The following BTBD9 variants were observed in gnomAD, a reference collection of about 807,000 sequenced individuals.
BTBD9 encodes BTB/POZ domain-containing protein 9.
Under a neutral mutation model 64.3 loss-of-function variants are expected in BTBD9, and 49 were observed. The observed-to-expected ratio is 0.76, with a 90% CI of 0.61 to 0.97. BTBD9 has a LOEUF of 0.97. Ranked by LOEUF, BTBD9 falls within the 50% of genes least tolerant of loss-of-function variation. The pLI is 0.00. For missense variants in BTBD9, 598 were observed against 762.1 expected (o/e 0.78, Z 2.53); for synonymous variants, 260 against 274.7 (o/e 0.95, Z 0.53).
Position 38,380,273 on chromosome 6 carries a change from G to C in BTBD9, c.1155-35180C>G, listed in dbSNP as rs535753250. Among the ~76,000 whole-genome samples the C allele has an allele frequency of 2.0e-5, 3 of 152,200 alleles. No individual in the cohort carries two copies. The South Asian group carries it at 6.2e-4, about 32-fold the overall frequency. ...AAAATAAAAGAATTCATCATCAACAGATTCTTACTAAAGGAAATTCTGAAA... is the reference window on the plus strand; with the variant it reads ...AAAATAAAAGAATTCATCATCAACACATTCTTACTAAAGGAAATTCTGAAA... On this transcript the variant is annotated intron_variant, in intron 6 of 10. Coordinates refer to ENST00000481247, the MANE Select transcript of BTBD9 (RefSeq NM_001099272.2).
intron 6 of BTBD9, among the ~76,000 whole-genome samples, chr6:38,381,622 C>T (rs1765937190): frequency 6.6e-6 from 1 of 152,008 alleles, no homozygotes; most frequent in East Asian, 1.9e-4. Flanking sequence ...ATAATGTTCT[C>T]AATAACTGAA....
At position 38,594,157 on chromosome 6, in the gene BTBD9, T is replaced by G. The variant is rs761218065; in HGVS notation, c.356A>C (p.Lys119Thr). 6.2e-7 allele frequency: 1 copy of G among 1,614,190 alleles called. No homozygotes were observed. Among genetic ancestry groups the G allele is most frequent in the Non-Finnish European group, 8.5e-7 (1 of 1,180,024 alleles). The change falls in exon 3 of 11, where the codon AAA (lysine) becomes ACA (threonine). Residue 119 changes from lysine to threonine, a missense_variant. Coordinates refer to ENST00000481247, the MANE Select transcript of BTBD9 (RefSeq NM_001099272.2). Reference protein sequence around the residue: ...VLLDFLSLAHKYGFPELEDST... With the variant: ...VLLDFLSLAHTYGFPELEDST... ...ATCCTCTAGCTCTGGAAATCCATATTTATGAGCCAGGCTCAAAAAGTCCAG... is the reference window on the plus strand; with the variant it reads ...ATCCTCTAGCTCTGGAAATCCATATGTATGAGCCAGGCTCAAAAAGTCCAG...
chr6:38,207,255 C>T (rs1762686842), intron 9 of BTBD9: 3 of 222,180 alleles, frequency 1.4e-5, no homozygotes, highest in Non-Finnish European at 2.9e-5. Flanking sequence ...ACAGAAAAAT[C>T]TGTGTTAAAA....
chr6:38,624,481 G>A (rs1778106277), intron 1 of BTBD9, among the ~76,000 whole-genome samples: 1 of 152,092 alleles, frequency 6.6e-6, no homozygotes, highest in Admixed American at 6.6e-5. Flanking sequence ...ACCAACTCTG[G>A]ACACAGGAGG....
At chr6:38,596,880 A>G (rs145161071) in intron 2 of BTBD9, among the ~76,000 whole-genome samples, 131 of 152,304 alleles carry the variant, frequency 8.6e-4, no homozygotes, top group African/African-American at 3.1e-3. Context: ...AGAGGAAGAA[A>G]TATAAAAGGA....
rs367618795 is a variant in BTBD9, at chr6:38,457,354, C to T, written c.1155-112261G>A. Among the ~76,000 whole-genome samples the T allele has an allele frequency of 3.3e-5, 5 of 152,292 alleles. No individual in the cohort carries two copies. In the East Asian group the frequency reaches 5.8e-4, roughly 18 times the overall value. The stretch of plus-strand genomic sequence containing the variant: ...AGACCAGTTAGAAGGCTCCCACAGT[C>T]TGGGCAAGAAATGGTGTTGGTGTCA... On this transcript the variant is annotated intron_variant, in intron 6 of 10. Coordinates refer to ENST00000481247, the MANE Select transcript of BTBD9 (RefSeq NM_001099272.2).
chr6:38,446,110 A>C (rs2127324576), intron 6 of BTBD9, among the ~76,000 whole-genome samples: 1 of 152,316 alleles, frequency 6.6e-6, no homozygotes, highest in South Asian at 2.1e-4. Context: ...AAGACACGTG[A>C]GTAGTGAGGG....
At chr6:38,596,446 G>T (rs1777032694) in intron 2 of BTBD9, among the ~76,000 whole-genome samples, 1 of 152,062 alleles carries the variant, frequency 6.6e-6, no homozygotes, top group South Asian at 2.1e-4. Flanking sequence ...TTTTGAAAGA[G>T]GACAAGGTAC....
At chr6:38,202,117 G>A (rs534589303) in intron 9 of BTBD9, among the ~76,000 whole-genome samples, 4 of 129,494 alleles carry the variant, frequency 3.1e-5, no homozygotes, top group South Asian at 5.1e-4. Context: ...ATGGAATCTC[G>A]CTCTGTTGCC....
intron 7 of BTBD9, among the ~76,000 whole-genome samples, chr6:38,303,949 GTGTA>G (rs1164489896): frequency 0.03 from 4,135 of 139,104 alleles, 207 homozygotes; most frequent in African/African-American, 0.11. Flanking sequence ...GTGTGTGTGT[GTGTA>G]TATATATATA....
intron 9 of BTBD9, among the ~76,000 whole-genome samples, chr6:38,216,543 T>C: frequency 6.6e-6 from 1 of 152,202 alleles, no homozygotes; most frequent in East Asian, 1.9e-4. Context: ...TTTCTGCATG[T>C]ATAATGGCAG....
chr6:38,439,952 T>A (rs1768948168), intron 6 of BTBD9, among the ~76,000 whole-genome samples: 1 of 152,156 alleles, frequency 6.6e-6, no homozygotes, highest in African/African-American at 2.4e-5. Flanking sequence ...ACATTGGAAT[T>A]ACTATCTAGT....
At chr6:38,619,177 G>A (rs576253806) in intron 1 of BTBD9, among the ~76,000 whole-genome samples, 1 of 152,266 alleles carries the variant, frequency 6.6e-6, no homozygotes, top group African/African-American at 2.4e-5. Context: ...GATCCTAAAA[G>A]ATAAGTTTAT....
chr6:38,515,084 G>GA (rs1034633758), intron 6 of BTBD9, among the ~76,000 whole-genome samples: 76 of 146,778 alleles, frequency 5.2e-4, no homozygotes, highest in Admixed American at 1.4e-3. Flanking sequence ...GTTGTGCCTG[G>GA]AAAAAAAAAA....
chr6:38,486,375 G>A (rs1771423438), intron 6 of BTBD9, among the ~76,000 whole-genome samples: 1 of 152,240 alleles, frequency 6.6e-6, no homozygotes, highest in Non-Finnish European at 1.5e-5. Context: ...TTAGCTTTCA[G>A]CCTATCTCAG....
At chr6:38,482,400 CCTTT>C (rs1771193304) in intron 6 of BTBD9, 1 of 150,684 alleles carries the variant, frequency 6.6e-6, no homozygotes, top group African/African-American at 2.5e-5. Flanking sequence ...GTGAGGTGAT[CCTTT>C]CTCTTTCTTT....
In BTBD9 at chr6:38,507,914, C is replaced by T. The variant is rs529617095; in HGVS notation, c.1154+69686G>A. Among the ~76,000 whole-genome samples the T allele has an allele frequency of 2.6e-4, 38 of 148,364 alleles. 1 individual carries two copies. In the South Asian group the frequency reaches 7.3e-3, roughly 29 times the overall value. On this transcript the variant is annotated intron_variant, in intron 6 of 10. Transcript: ENST00000481247. ...AGTGGCGCGATCTCGGCTCACTTTA[C>T]GCTCCGCCTCCTAGGTTCACGCCAT...
chr6:38,586,407 T>C (rs911309621), intron 4 of BTBD9, among the ~76,000 whole-genome samples: 2 of 133,030 alleles, frequency 1.5e-5, no homozygotes, highest in Admixed American at 7.6e-5. Flanking sequence ...TGTTTGGATC[T>C]TTTTTTTTTA....
chr6:38,544,600 G>T (rs976155962), intron 6 of BTBD9, among the ~76,000 whole-genome samples: 5 of 152,058 alleles, frequency 3.3e-5, no homozygotes, highest in Non-Finnish European at 5.9e-5. Context: ...CATCTGGTGT[G>T]GAACAGCAAG....
Sources: allele counts gnomAD v4.1 joint callset (sites outside exome capture counted in the v4.1 genomes callset), GRCh38; gene constraint gnomAD v4.1.1; transcripts MANE v1.5; gene names NCBI Gene and HGNC (gene_info 2026-07-23, HGNC 2026-07-21).